Variants in P2RY8 observed in about 807,000 individuals in gnomAD.
P2RY8 encodes S-geranylgeranyl-glutathione receptor P2RY8.
In P2RY8, 6 loss-of-function variants were observed where a neutral mutation model predicts 10.0. That is an observed-to-expected ratio of 0.60 (90% CI 0.33 to 1.19). The LOEUF (loss-of-function observed/expected upper bound fraction) is 1.19. Ranked by LOEUF, P2RY8 falls within the 50% of genes most tolerant of loss-of-function variation. P2RY8 has a pLI of 0.04. For synonymous variants in P2RY8, 276 were observed against 252.5 expected (o/e 1.09, Z -0.88); for missense variants, 456 against 542.0 (o/e 0.84, Z 1.58).
chrX:1,507,631 C>T (rs1603457981), intron 1 of P2RY8, among the ~76,000 whole-genome samples: 1 of 152,144 alleles, frequency 6.6e-6, no homozygotes, highest in African/African-American at 2.4e-5. Flanking sequence ...CAGCACCCGG[C>T]GGAGTCCCCA....
chrX:1,477,625 T>C (rs1185448780), intron 1 of P2RY8, among the ~76,000 whole-genome samples: 1 of 152,192 alleles, frequency 6.6e-6, no homozygotes, highest in African/African-American at 2.4e-5. Flanking sequence ...TCAGGTATCA[T>C]AATTGGGAAG....
At chrX:1,533,963 T>G (rs1285909516) in intron 1 of P2RY8, among the ~76,000 whole-genome samples, 1 of 124,258 alleles carries the variant, frequency 8.0e-6, no homozygotes, top group Non-Finnish European at 1.5e-5. Context: ...CATAGTTATA[T>G]ATTTATAACT....
In P2RY8 at chrX:1,465,944, C is replaced by A. The variant is rs147029517; in HGVS notation, c.615G>T (p.Pro205=). The part of the protein sequence containing the change: ...FTIFILLFLI[P]FVITVACYTA... ...TGTAACAAGCCACGGTGATCACGAA[C>A]GGGATGAGGAACAGCAGGATGAAGA... Residue 205 remains proline (P), a synonymous_variant, in exon 2 of 2, where the codon CCG becomes CCT. Coordinates refer to ENST00000381297, the MANE Select transcript of P2RY8 (RefSeq NM_178129.5). 4 of 1,612,340 alleles carry A rather than the reference C, an allele frequency of 2.5e-6. No homozygotes were observed. The African/African-American group carries it at 4.0e-5, about 16-fold the overall frequency.
intron 1 of P2RY8, among the ~76,000 whole-genome samples, chrX:1,472,964 ATGGG>A (rs1372131751): frequency 4.3e-5 from 1 of 23,524 alleles, no homozygotes. Context: ...GGGTGGGCGG[ATGGG>A]TGGGTGGATG....
intron 1 of P2RY8, among the ~76,000 whole-genome samples, chrX:1,507,667 G>A (rs1330258934): frequency 2.6e-5 from 4 of 152,066 alleles, no homozygotes; most frequent in Non-Finnish European, 4.4e-5. Context: ...TGTTGGCGAC[G>A]CGCGATTTCC....
At chrX:1,506,288 T>G (rs1174536647) in intron 1 of P2RY8, among the ~76,000 whole-genome samples, 1 of 151,966 alleles carries the variant, frequency 6.6e-6, no homozygotes, top group African/African-American at 2.4e-5. Context: ...CCACCATGCC[T>G]GATGCTTAAT....
At chrX:1,501,251 G>A (rs1244531953) in intron 1 of P2RY8, among the ~76,000 whole-genome samples, 2 of 152,172 alleles carry the variant, frequency 1.3e-5, no homozygotes. Flanking sequence ...TTCAAGGGAC[G>A]TAAATATCAG....
intron 1 of P2RY8, among the ~76,000 whole-genome samples, chrX:1,475,583 C>T (rs2149380834): frequency 6.6e-6 from 1 of 151,106 alleles, no homozygotes; most frequent in Non-Finnish European, 1.5e-5. Context: ...AAGTTTTAAC[C>T]AACAGACTTC....
chrX:1,524,129 C>T (rs1317009997), intron 1 of P2RY8, among the ~76,000 whole-genome samples: 1 of 152,140 alleles, frequency 6.6e-6, no homozygotes, highest in Non-Finnish European at 1.5e-5. Context: ...GTTTGATTTT[C>T]TCATCTGCAA....
intron 1 of P2RY8, among the ~76,000 whole-genome samples, chrX:1,495,484 C>T (rs143420424): frequency 2.7e-3 from 415 of 150,938 alleles, no homozygotes; most frequent in African/African-American, 9.5e-3. Context: ...AGGGAGAAGA[C>T]GGCATCTCCA....
chrX:1,465,372 T>C lies in P2RY8; in HGVS notation c.*107A>G, dbSNP rs2091649997. ...TTCCCCACCGGGCCTCTGCAGTGCCTGGGAGCAACGCAGCTGTTCTCCCTG... is the reference window on the plus strand; with the variant it reads ...TTCCCCACCGGGCCTCTGCAGTGCCCGGGAGCAACGCAGCTGTTCTCCCTG... On this transcript the variant is annotated 3_prime_UTR_variant, in exon 2 of 2. Coordinates refer to ENST00000381297, the MANE Select transcript of P2RY8 (RefSeq NM_178129.5). The C allele has an allele frequency of 2.0e-6, 3 of 1,491,072 alleles. No homozygotes were observed. Among genetic ancestry groups the C allele is most frequent in the Non-Finnish European group, 2.7e-6 (3 of 1,124,822 alleles). 92.4% of individuals were successfully genotyped at this position (1,491,072 alleles called of 1,614,324 possible).
At chrX:1,512,504 G>A (rs1185638049) in intron 1 of P2RY8, among the ~76,000 whole-genome samples, 2 of 133,480 alleles carry the variant, frequency 1.5e-5, no homozygotes, top group South Asian at 2.4e-4. Flanking sequence ...CTGAGATCAT[G>A]CCATTGCACT....
rs1569537413 is a variant in P2RY8, at chrX:1,493,461, G to GAGGGAGGA, written c.-24-26880_-24-26879insTCCTCCCT. ...GAAGGAGGAGGAAGGAGGAAGGAGG[G>GAGGGAGGA]AGGAGGGAGGGAGGGAAGGAAGGAA... On this transcript the variant is annotated intron_variant, in intron 1 of 1. Coordinates refer to ENST00000381297, the MANE Select transcript of P2RY8 (RefSeq NM_178129.5). 1.9e-4 allele frequency among the ~76,000 whole-genome samples: 21 copies of GAGGGAGGA among 110,304 alleles called. 3 individuals carry two copies. The East Asian group carries it at 4.7e-3, about 25-fold the overall frequency. 72.4% of individuals were successfully genotyped at this position (110,304 alleles called of 152,430 possible). A position where few individuals can be genotyped will look rare whatever the true frequency, so the allele number is the denominator to read the frequency against.
chrX:1,526,740 T>TTCATTCATCCATTTACTTAC (rs2092442863), intron 1 of P2RY8, among the ~76,000 whole-genome samples: 1 of 152,072 alleles, frequency 6.6e-6, no homozygotes, highest in South Asian at 2.1e-4. Flanking sequence ...CATCTACTCA[T>TTCATTCATCCATTTACTTAC]TCATTCATCC....
chrX:1,530,323 T>A (rs2092465754), intron 1 of P2RY8, among the ~76,000 whole-genome samples: 1 of 150,696 alleles, frequency 6.6e-6, no homozygotes, highest in African/African-American at 2.4e-5. Context: ...CATCTATCTA[T>A]ATGTATGTAC....
At chrX:1,480,209 G>A (rs1213224200) in intron 1 of P2RY8, among the ~76,000 whole-genome samples, 3 of 152,138 alleles carry the variant, frequency 2.0e-5, no homozygotes, top group African/African-American at 7.2e-5. Context: ...ATCAACAAGG[G>A]TGACAGCAAC....
intron 1 of P2RY8, among the ~76,000 whole-genome samples, chrX:1,480,434 G>T (rs1406265573): frequency 6.6e-6 from 1 of 150,696 alleles, no homozygotes; most frequent in Non-Finnish European, 1.5e-5. Flanking sequence ...TGTCAACCAA[G>T]CTGGGGGCAG....
At position 1,466,602 on chromosome X, in the gene P2RY8, G is replaced by C; in HGVS notation, c.-24-20C>G. ...CGGGCTCTGCAAGGGAAGGAGGGAA[G>C]GGTGTACGGGTCAGGGGCGCAGGTA... is the stretch of plus-strand genomic sequence containing the variant. On this transcript the variant is annotated intron_variant, in intron 1 of 1. Coordinates refer to ENST00000381297, the MANE Select transcript of P2RY8 (RefSeq NM_178129.5). 1 of 1,570,120 alleles carries C rather than the reference G, an allele frequency of 6.4e-7. No homozygotes were observed. The highest frequency in any genetic ancestry group is 8.6e-7 in the Non-Finnish European group (1 of 1,162,856).
chrX:1,480,182 C>G (rs2091918273), intron 1 of P2RY8, among the ~76,000 whole-genome samples: 1 of 152,188 alleles, frequency 6.6e-6, no homozygotes, highest in Non-Finnish European at 1.5e-5. Flanking sequence ...AAGGGCAACA[C>G]TCATTCTCAC....
Sources: gnomAD v4.1 joint callset for allele counts (sites outside exome capture counted in the v4.1 genomes callset) on GRCh38, gnomAD v4.1.1 for gene constraint, MANE v1.5 for transcripts, NCBI Gene and HGNC (gene_info 2026-07-23, HGNC 2026-07-21) for gene names.